Variants in TYW3 observed in about 807,000 individuals in gnomAD.
The protein encoded by TYW3 is tRNA-yW synthesizing protein 3 homolog, also known as tRNA wybutosine-synthesizing protein 3 homolog.
Under a neutral mutation model 23.1 loss-of-function variants are expected in TYW3, and 26 were observed. That is an observed-to-expected ratio of 1.13 (90% CI 0.83 to 1.56). The LOEUF (loss-of-function observed/expected upper bound fraction) is 1.56, where lower values mean the gene tolerates loss of function less well. Among genes scored for constraint, TYW3 ranks in the 40% most tolerant of loss-of-function variants. The pLI is 0.00. For missense variants in TYW3, 316 were observed against 311.9 expected (o/e 1.01, Z -0.10); for synonymous variants, 102 against 105.7 (o/e 0.97, Z 0.21).
chr1:74,762,897 T>C (rs1305732727), intron 5 of TYW3, among the ~76,000 whole-genome samples: 1 of 152,118 alleles, frequency 6.6e-6, no homozygotes, highest in East Asian at 1.9e-4. Context: ...GAGGCCTGGT[T>C]TTCAGAGAGC....
chr1:74,733,178 T>C lies in TYW3; in HGVS notation c.-67T>C. ...TTTTCGGCCACCGCTCGCTTCAATA[T>C]GGCTGCCCCCAGGGAGAGACGAGGC... On this transcript the variant is annotated 5_prime_UTR_variant, in exon 1 of 6. The change abolishes an upstream ATG in the 5' untranslated region. Transcript: ENST00000370867. 6.4e-7 allele frequency: 1 copy of C among 1,565,896 alleles called. No homozygotes were observed. The highest frequency in any genetic ancestry group is 8.6e-7 in the Non-Finnish European group (1 of 1,156,420).
In TYW3 at chr1:74,764,333, A is replaced by G. The variant is rs878864673; in HGVS notation, c.*220A>G. 3.5e-5 allele frequency: 14 copies of G among 404,474 alleles called. 1 individual carries two copies. The South Asian group carries it at 8.6e-4, about 25-fold the overall frequency. The allele number at this position is 404,474 out of a possible 1,614,324, so 25.1% of individuals were successfully genotyped here. Reference sequence around the variant, plus strand: ...ATCCTACGACTTCACCTGAAATGCTATAGTTATCCCTACTTTTTTACCAGT... The same window carrying G: ...ATCCTACGACTTCACCTGAAATGCTGTAGTTATCCCTACTTTTTTACCAGT... On this transcript the variant is annotated 3_prime_UTR_variant, in exon 6 of 6. Transcript: ENST00000370867.
chr1:74,747,962 G>A (rs1648646658), intron 3 of TYW3, among the ~76,000 whole-genome samples: 1 of 151,976 alleles, frequency 6.6e-6, no homozygotes, highest in Admixed American at 6.6e-5. Context: ...TTAAACCAGG[G>A]AATCTCAAAA....
At chr1:74,736,645 G>C in intron 2 of TYW3, 23 bp downstream of exon 2, 1 of 1,543,056 alleles carries the variant, frequency 6.5e-7, no homozygotes, top group Non-Finnish European at 8.8e-7. Flanking sequence ...AAATAAATTT[G>C]GAAATAAACT....
intron 3 of TYW3, among the ~76,000 whole-genome samples, chr1:74,740,773 A>G (rs1286293775): frequency 7.2e-5 from 11 of 151,948 alleles, no homozygotes; most frequent in Admixed American, 5.9e-4. Flanking sequence ...TGATTGGTGC[A>G]TTTACAGTCC....
At chr1:74,760,772 T>A (rs137936221) in intron 5 of TYW3, among the ~76,000 whole-genome samples, 354 of 152,350 alleles carry the variant, frequency 2.3e-3, no homozygotes, top group African/African-American at 8.0e-3. Context: ...AATAGCCTTC[T>A]TTGATATTTG....
At chr1:74,756,201 A>G (rs922756324) in intron 5 of TYW3, among the ~76,000 whole-genome samples, 1 of 152,202 alleles carries the variant, frequency 6.6e-6, no homozygotes, top group African/African-American at 2.4e-5. Context: ...TGGTACCACT[A>G]TAGTGGGGCA....
At chr1:74,762,917 A>G (rs1263406955) in intron 5 of TYW3, among the ~76,000 whole-genome samples, 1 of 152,202 alleles carries the variant, frequency 6.6e-6, no homozygotes, top group East Asian at 1.9e-4. Flanking sequence ...CCTACAGTTT[A>G]TTGTATCACA....
intron 3 of TYW3, among the ~76,000 whole-genome samples, chr1:74,744,791 C>T (rs1431462486): frequency 6.6e-6 from 1 of 152,136 alleles, no homozygotes; most frequent in African/African-American, 2.4e-5. Context: ...TGCAGATGTT[C>T]AGATGTGTCT....
At chr1:74,743,576 G>A (rs1378023330) in intron 3 of TYW3, among the ~76,000 whole-genome samples, 1 of 152,090 alleles carries the variant, frequency 6.6e-6, no homozygotes, top group Non-Finnish European at 1.5e-5. Flanking sequence ...GAGTTATGGT[G>A]GACATCGTTG....
In TYW3 at chr1:74,764,004, C is replaced by T; in HGVS notation, c.671C>T (p.Pro224Leu). 2 of 1,610,978 alleles carry T rather than the reference C, an allele frequency of 1.2e-6. No homozygotes were observed. The highest frequency in any genetic ancestry group is 1.7e-6 in the Non-Finnish European group (2 of 1,179,130). The change falls in exon 6 of 6, where the codon CCA (proline) becomes CTA (leucine). Residue 224 changes from proline to leucine, a missense_variant. Coordinates refer to ENST00000370867, the MANE Select transcript of TYW3 (RefSeq NM_138467.3). ...SSYIHKKKRN[P>L]EKTRAQCITK... ...TATATTCATAAGAAAAAAAGAAACC[C>T]AGAAAAAACACGTGCCCAGTGTATT...
At chr1:74,734,446 A>G (rs1648060857) in intron 1 of TYW3, among the ~76,000 whole-genome samples, 1 of 152,232 alleles carries the variant, frequency 6.6e-6, no homozygotes, top group African/African-American at 2.4e-5. Context: ...ATCTGCCAAC[A>G]GTAAGTTTTA....
At chr1:74,761,533 T>TA (rs1352576514) in intron 5 of TYW3, 1 of 152,056 alleles carries the variant, frequency 6.6e-6, no homozygotes, top group African/African-American at 2.4e-5. Context: ...GCAGGGTTGA[T>TA]AAAGAATGGT....
chr1:74,757,059 T>G (rs1018610253), intron 5 of TYW3, among the ~76,000 whole-genome samples: 7 of 152,210 alleles, frequency 4.6e-5, no homozygotes, highest in Non-Finnish European at 1.0e-4. Flanking sequence ...CCATCTAGAT[T>G]TCAGAAGATA....
rs1365785808 is a variant in TYW3, at chr1:74,765,513, GA to G, written c.*1403del. ...CATATACAGCAGTCCTTCTGGGAAG[GA>G]AATTTGGGCAGGAAAGGGAACTCAC... On this transcript the variant is annotated 3_prime_UTR_variant, in exon 6 of 6. Transcript: ENST00000370867. 1 of 152,176 alleles carries G rather than the reference GA, an allele frequency of 6.6e-6. No individual in the cohort carries two copies. The highest frequency in any genetic ancestry group is 1.5e-5 in the Non-Finnish European group (1 of 68,028). 9.4% of individuals were successfully genotyped at this position (152,176 alleles called of 1,614,324 possible).
At position 74,764,200 on chromosome 1, in the gene TYW3, G is replaced by A. The variant is rs1326315656; in HGVS notation, c.*87G>A. 6 of 1,195,802 alleles carry A rather than the reference G, an allele frequency of 5.0e-6. No homozygotes were observed. In the Admixed American group the frequency reaches 1.4e-4, roughly 28 times the overall value. The allele number at this position is 1,195,802 out of a possible 1,614,324, so 74.1% of individuals were successfully genotyped here. A position where few individuals can be genotyped will look rare whatever the true frequency, so the allele number is the denominator to read the frequency against. ...ATAAGAGTATTTTAGTTTGTTGAGTGTATCAGCCATTCATAAGCCAGTAAT... is the reference window on the plus strand; with the variant it reads ...ATAAGAGTATTTTAGTTTGTTGAGTATATCAGCCATTCATAAGCCAGTAAT... On this transcript the variant is annotated 3_prime_UTR_variant, in exon 6 of 6. Coordinates refer to ENST00000370867, the MANE Select transcript of TYW3 (RefSeq NM_138467.3).
Position 74,733,423 on chromosome 1 carries a change from G to A in TYW3, c.174+5G>A, listed in dbSNP as rs1284015962. ...CGCATCCTACTCCTTGACCGGGTGAGGCCCCTTTGCGCCTGTCCATCGCCT... is the reference window on the plus strand; with the variant it reads ...CGCATCCTACTCCTTGACCGGGTGAAGCCCCTTTGCGCCTGTCCATCGCCT... On this transcript the variant is annotated splice_donor_5th_base_variant and intron_variant, in intron 1 of 5. Coordinates refer to ENST00000370867, the MANE Select transcript of TYW3 (RefSeq NM_138467.3). 1 of 1,614,022 alleles carries A rather than the reference G, an allele frequency of 6.2e-7. No individual in the cohort carries two copies. Among genetic ancestry groups the A allele is most frequent in the South Asian group, 1.1e-5 (1 of 91,042 alleles).
intron 4 of TYW3, among the ~76,000 whole-genome samples, chr1:74,752,072 C>T (rs1648803429): frequency 6.6e-6 from 1 of 152,166 alleles, no homozygotes; most frequent in Admixed American, 6.5e-5. Flanking sequence ...AGGTAACGTA[C>T]AGAATATCTT....
intron 5 of TYW3, chr1:74,761,724 A>G (rs1274890386): frequency 6.6e-6 from 1 of 152,178 alleles, no homozygotes; most frequent in Non-Finnish European, 1.5e-5. Flanking sequence ...AGACCTAGAA[A>G]GAAAGATCAA....
Sources: gnomAD v4.1 joint callset for allele counts (sites outside exome capture counted in the v4.1 genomes callset) on GRCh38, gnomAD v4.1.1 for gene constraint, MANE v1.5 for transcripts, NCBI Gene and HGNC (gene_info 2026-07-23, HGNC 2026-07-21) for gene names.